TASOR2: variants seen among roughly 807,000 people sequenced by gnomAD.
TASOR2 encodes transcription activation suppressor family member 2.
Under a neutral mutation model 199.5 loss-of-function variants are expected in TASOR2, and 84 were observed. The observed-to-expected ratio is 0.42, with a 90% CI of 0.35 to 0.50. TASOR2 has a LOEUF of 0.50. Ranked by LOEUF, TASOR2 falls within the 20% of genes least tolerant of loss-of-function variation. TASOR2 has a pLI of 0.02. For missense variants in TASOR2, 2,796 were observed against 2,835.9 expected (o/e 0.99, Z 0.32); for synonymous variants, 1,103 against 1,046.6 (o/e 1.05, Z -1.04).
intron 10 of TASOR2, among the ~76,000 whole-genome samples, chr10:5,728,015 C>A (rs10905066): frequency 0.84 from 128,310 of 151,874 alleles, 54,268 homozygotes; most frequent in African/African-American, 0.86. Context: ...TGAGTTCAGG[C>A]GTTCTGAGAC....
chr10:5,688,293 T>C (rs1174602216), intron 1 of TASOR2, among the ~76,000 whole-genome samples: 1 of 152,056 alleles, frequency 6.6e-6, no homozygotes, highest in Non-Finnish European at 1.5e-5. Context: ...GATGTGATCA[T>C]AGCTCACTAC....
chr10:5,715,234 A>T (rs34354671), intron 2 of TASOR2, among the ~76,000 whole-genome samples: 4,313 of 24,858 alleles, frequency 0.17, 76 homozygotes, highest in African/African-American at 0.25. Context: ...TTTTTTTTTT[A>T]AAAAAAAACT....
intron 2 of TASOR2, chr10:5,713,844 C>T: frequency 4.9e-6 from 1 of 202,050 alleles, no homozygotes; most frequent in Non-Finnish European, 9.8e-6. Context: ...ATACAGATTG[C>T]TTTGCATAAG....
chr10:5,733,657 A>G (rs4323789), intron 11 of TASOR2, among the ~76,000 whole-genome samples: 2,078 of 152,280 alleles, frequency 0.014, 48 homozygotes, highest in African/African-American at 0.048. Flanking sequence ...TTTTTCTCCC[A>G]ACACCTGGGA....
exon 15 of TASOR2, chr10:5,746,263 C>T (rs1564341723): frequency 6.2e-7 from 1 of 1,613,754 alleles, no homozygotes; most frequent in South Asian, 1.1e-5. Context: ...AACTAATGGA[C>T]CTTCTGTTCC....
chr10:5,743,528 C>T (rs1340920290), intron 14 of TASOR2, among the ~76,000 whole-genome samples: 2 of 152,088 alleles, frequency 1.3e-5, no homozygotes, highest in Admixed American at 1.3e-4. Context: ...AATTGTCAAG[C>T]CAAGATTCCA....
rs1283225197 is a variant in TASOR2, at chr10:5,722,354, G to A, written c.147-1323G>A. Among the ~76,000 whole-genome samples the A allele has an allele frequency of 6.6e-6, 1 of 152,136 alleles. No individual in the cohort carries two copies. Among genetic ancestry groups the A allele is most frequent in the Non-Finnish European group, 1.5e-5 (1 of 68,020 alleles). On this transcript the variant is annotated intron_variant, in intron 6 of 20. Transcript: ENST00000328090. The surrounding 1 kb of genome is among the most constrained non-coding windows in gnomAD (Gnocchi z 4.0). ...GCCTGTGATCCTAGCTACTGGGGAC[G>A]CTGAGGCAGGAGAATCACTTGAACC...
chr10:5,716,970 AT>A (rs78327684), intron 2 of TASOR2, among the ~76,000 whole-genome samples: 1 of 145,604 alleles, frequency 6.9e-6, no homozygotes, highest in Non-Finnish European at 1.5e-5. Context: ...CATTTGTTTA[AT>A]TTTTTTTCTG....
chr10:5,739,468 G>A (rs1465952377), intron 12 of TASOR2, 150 bp from the exon 14 acceptor site: 6 of 696,272 alleles, frequency 8.6e-6, no homozygotes, highest in Non-Finnish European at 1.2e-5. Flanking sequence ...AGGGTTGGAA[G>A]AGACCTTAAT....
rs557088128 is a variant in TASOR2, at chr10:5,724,624, T to TAG, written c.351+92_351+93insGA. 9.6e-3 allele frequency: 703 copies of TAG among 73,584 alleles called. 10 individuals carry two copies. The highest frequency in any genetic ancestry group is 0.078 in the Middle Eastern group (14 of 180). 4.6% of individuals were successfully genotyped at this position (73,584 alleles called of 1,614,324 possible). A position where few individuals can be genotyped will look rare whatever the true frequency, so the allele number is the denominator to read the frequency against. On this transcript the variant is annotated intron_variant, in intron 8 of 20. Transcript: ENST00000328090. Reference sequence around the variant, plus strand: ...CTAGATGGCACATATATATATATTATATATATATATAGATAGATAGATAGA... The same window carrying TAG: ...CTAGATGGCACATATATATATATTATAGATATATATATAGATAGATAGATAGA...
exon 3 of TASOR2, chr10:5,717,700 C>T (rs2131562562): frequency 8.2e-7 from 1 of 1,225,976 alleles, no homozygotes. Context: ...TCATTCAAGA[C>T]CATGGTATCA....
intron 18 of TASOR2, among the ~76,000 whole-genome samples, chr10:5,759,787 T>C (rs1322062274): frequency 6.6e-6 from 1 of 152,260 alleles, no homozygotes; most frequent in Non-Finnish European, 1.5e-5. Context: ...AAAGCTTTTC[T>C]CTTGAAGTGG....
At chr10:5,727,108 T>C in exon 10 of TASOR2, 1 of 1,614,186 alleles carries the variant, frequency 6.2e-7, no homozygotes, top group South Asian at 1.1e-5. Flanking sequence ...TTTATTTCGT[T>C]CACCCCTGTC....
In TASOR2 at chr10:5,699,848, T is replaced by G; in HGVS notation, c.-287-12975T>G. ...TTTATTTTTATTGATGCGTAATAGA[T>G]GTACACAGTTTTAGGATACATGTGA... is the stretch of plus-strand genomic sequence containing the variant. On this transcript the variant is annotated intron_variant, in intron 1 of 20. Transcript: ENST00000328090. This position sits in a 1 kb window ranked among gnomAD's most constrained non-coding sequence, Gnocchi z 4.1. 1 of 569,922 alleles carries G rather than the reference T, an allele frequency of 1.8e-6. No homozygotes were observed. The highest frequency in any genetic ancestry group is 2.2e-6 in the Non-Finnish European group (1 of 450,582). The allele number at this position is 569,922 out of a possible 1,614,324, so 35.3% of individuals were successfully genotyped here.
At chr10:5,691,260 T>A (rs1403564363) in intron 1 of TASOR2, among the ~76,000 whole-genome samples, 1 of 152,118 alleles carries the variant, frequency 6.6e-6, no homozygotes. Flanking sequence ...TTTGTTGTTG[T>A]TTTTACATAA....
chr10:5,762,367 T>G (rs1839987651), intron 19 of TASOR2, among the ~76,000 whole-genome samples, 165 bp from the exon 21 acceptor site: 2 of 151,978 alleles, frequency 1.3e-5, no homozygotes, highest in Admixed American at 6.6e-5. Context: ...GGCATCTATT[T>G]CCAAAGCTTC....
chr10:5,712,324 C>A, intron 1 of TASOR2: 1 of 1,079,484 alleles, frequency 9.3e-7, no homozygotes, highest in Non-Finnish European at 1.2e-6. Context: ...GAGTGATATT[C>A]AGTGTGTCTC....
At chr10:5,756,811 C>A in intron 16 of TASOR2, 73 bp downstream of exon 17, 1 of 1,492,586 alleles carries the variant, frequency 6.7e-7, no homozygotes, top group Non-Finnish European at 9.0e-7. Flanking sequence ...AGACTCATCC[C>A]TCTTTTTTTA....
intron 12 of TASOR2, among the ~76,000 whole-genome samples, chr10:5,736,657 C>T (rs1015091317): frequency 6.6e-6 from 1 of 152,128 alleles, no homozygotes; most frequent in Non-Finnish European, 1.5e-5. Flanking sequence ...TGAACTGCTC[C>T]AGTTTTGTAT....
Sources: allele counts gnomAD v4.1 joint callset (sites outside exome capture counted in the v4.1 genomes callset), GRCh38; gene constraint gnomAD v4.1.1; non-coding constraint Gnocchi (gnomAD v3.1); transcripts MANE v1.5; gene names NCBI Gene and HGNC (gene_info 2026-07-23, HGNC 2026-07-21).